The following PLEKHS1 variants were observed in gnomAD, a reference collection of about 807,000 sequenced individuals.
The protein encoded by PLEKHS1 is pleckstrin homology domain-containing family S member 1.
PLEKHS1 carries 55 observed loss-of-function variants against 51.0 expected under a neutral mutation model. That is an observed-to-expected ratio of 1.08 (90% CI 0.87 to 1.35). The LOEUF is 1.35. PLEKHS1 is among the 40% of genes most tolerant of loss of function. The pLI is 0.00. For synonymous variants in PLEKHS1, 153 were observed against 144.8 expected, an observed-to-expected ratio of 1.06 and a Z score of -0.41; for missense variants, 398 against 423.0, an observed-to-expected ratio of 0.94 and a Z score of 0.52.
chr10:113,774,736 G>A, intron 9 of PLEKHS1, 90 bp from the exon 10 acceptor site: 2 of 1,164,248 alleles, frequency 1.7e-6, no homozygotes, highest in Non-Finnish European at 2.5e-6. Context: ...GTCTTCACAT[G>A]GCTGTTAGCT....
At chr10:113,766,291 C>A (rs1844156070) in intron 2 of PLEKHS1, 120 bp from the exon 3 acceptor site, 1 of 642,460 alleles carries the variant, frequency 1.6e-6, no homozygotes. Flanking sequence ...TATAGGTGTC[C>A]TTTTCCATAA....
chr10:113,780,018 T>C (rs935480889), intron 11 of PLEKHS1, among the ~76,000 whole-genome samples: 6 of 152,146 alleles, frequency 3.9e-5, no homozygotes, highest in African/African-American at 1.4e-4. Flanking sequence ...AAGGGAGATA[T>C]GGAACCAAAG....
chr10:113,755,215 C>G (rs920910637), intron 1 of PLEKHS1, 44 bp from the exon 2 acceptor site: 51 of 1,561,202 alleles, frequency 3.3e-5, no homozygotes, highest in Non-Finnish European at 4.2e-5. Context: ...ATGAAACACA[C>G]GTAGTGTTGT....
Position 113,761,958 on chromosome 10 carries a change from T to G in PLEKHS1, c.29-4453T>G, listed in dbSNP as rs75611039. Among the ~76,000 whole-genome samples, 1,036 of 152,162 alleles carry G rather than the reference T, an allele frequency of 6.8e-3. 12 individuals carry two copies. Among genetic ancestry groups the G allele is most frequent in the African/African-American group, 0.024 (1,002 of 41,552 alleles). ...AACAGTACAGCCACTTGGGCCTATA[T>G]GAAGAATTTTTAACTACAACTCCAA... On this transcript the variant is annotated intron_variant, in intron 2 of 11. Coordinates refer to ENST00000361048, the Ensembl canonical transcript of PLEKHS1.
chr10:113,769,867 C>G, exon 7 of PLEKHS1: 1 of 1,613,976 alleles, frequency 6.2e-7, no homozygotes, highest in East Asian at 2.2e-5. Context: ...AGGCTGTTGG[C>G]TCCAGCTCAC....
intron 1 of PLEKHS1, among the ~76,000 whole-genome samples, chr10:113,753,601 A>G (rs1160536025): frequency 6.6e-6 from 1 of 152,114 alleles, no homozygotes; most frequent in Non-Finnish European, 1.5e-5. Context: ...AATTTGTTCA[A>G]ATGATCACTA....
At chr10:113,774,997 G>A (rs756031923) in exon 10 of PLEKHS1, 14 of 1,613,960 alleles carry the variant, frequency 8.7e-6, no homozygotes, top group East Asian at 2.2e-5. Context: ...AAAAGGGGTC[G>A]GCCTCACTAA....
At chr10:113,761,349 T>C (rs544970147) in intron 2 of PLEKHS1, among the ~76,000 whole-genome samples, 41 of 152,284 alleles carry the variant, frequency 2.7e-4, no homozygotes, top group African/African-American at 9.6e-4. Flanking sequence ...AGAGATTGCA[T>C]TGAATTTATA....
exon 12 of PLEKHS1, chr10:113,780,636 C>T (rs1844835015): frequency 6.2e-7 from 1 of 1,613,908 alleles, no homozygotes. Context: ...ATCCCAAATT[C>T]AGAGACATTC....
At position 113,755,243 on chromosome 10, in the gene PLEKHS1, CCCTT is replaced by C. The variant is rs779928788; in HGVS notation, c.-19-11_-19-8del. The C allele has an allele frequency of 1.8e-5, 29 of 1,602,750 alleles. No individual in the cohort carries two copies. In the African/African-American group the frequency reaches 2.3e-4, roughly 13 times the overall value. On this transcript the variant is annotated splice_polypyrimidine_tract_variant and intron_variant, in intron 1 of 11. Transcript: ENST00000361048. ...AGTGTTGTTTGGGGACTAACACTAA[CCCTT>C]CCTTTTGACAGGGGAGGACACACAG...
exon 3 of PLEKHS1, chr10:113,766,425 T>C: frequency 2.5e-6 from 4 of 1,580,666 alleles, no homozygotes; most frequent in Non-Finnish European, 3.5e-6. Context: ...ACAATTTACA[T>C]TTTCTTATGA....
At chr10:113,754,408 T>A (rs967059306) in intron 1 of PLEKHS1, among the ~76,000 whole-genome samples, 10 of 152,096 alleles carry the variant, frequency 6.6e-5, no homozygotes, top group Non-Finnish European at 1.3e-4. Flanking sequence ...GAGTCCCTTC[T>A]CTCCATCCTA....
intron 4 of PLEKHS1, among the ~76,000 whole-genome samples, chr10:113,767,043 T>C (rs1452080011): frequency 6.6e-6 from 1 of 152,212 alleles, no homozygotes; most frequent in African/African-American, 2.4e-5. Flanking sequence ...TTAAAAAATA[T>C]TTAGATCAGC....
chr10:113,773,069 T>C (rs1844485409), intron 8 of PLEKHS1, among the ~76,000 whole-genome samples: 2 of 152,182 alleles, frequency 1.3e-5, no homozygotes, highest in African/African-American at 4.8e-5. Context: ...TTCCGTAAGA[T>C]GGTGACGTAT....
At chr10:113,762,272 T>C (rs1168389088) in intron 2 of PLEKHS1, among the ~76,000 whole-genome samples, 1 of 151,820 alleles carries the variant, frequency 6.6e-6, no homozygotes, top group East Asian at 1.9e-4. Flanking sequence ...TTTGGTTTCA[T>C]TGGTTGTCTC....
rs770222224 is a variant in PLEKHS1, at chr10:113,775,878, AT to A, written c.1091+15del. On this transcript the variant is annotated intron_variant, in intron 11 of 11. Transcript: ENST00000361048. The stretch of plus-strand genomic sequence containing the variant: ...ACAGGACGGATATGGTAGGTTGGAG[AT>A]TTGACTGTTGTGGATTATAAATGGG... 9.5e-6 allele frequency: 15 copies of A among 1,574,046 alleles called. No individual in the cohort carries two copies. Among genetic ancestry groups the A allele is most frequent in the African/African-American group, 1.4e-5 (1 of 73,988 alleles).
chr10:113,780,808 C>G (rs577283183), exon 12 of PLEKHS1: 86 of 1,535,492 alleles, frequency 5.6e-5, no homozygotes, highest in Non-Finnish European at 1.2e-5. Flanking sequence ...GGCAGCAGAA[C>G]CAGGATGGAG....
chr10:113,783,259 G>T (rs1436421761), downstream of PLEKHS1: 1 of 151,700 alleles, frequency 6.6e-6, no homozygotes, highest in Non-Finnish European at 1.5e-5. Flanking sequence ...AATCATGTGG[G>T]TATTGCTTAA....
chr10:113,753,578 C>A (rs547313981), intron 1 of PLEKHS1, among the ~76,000 whole-genome samples: 111 of 152,086 alleles, frequency 7.3e-4, no homozygotes, highest in African/African-American at 2.5e-3. Flanking sequence ...TTCAGATGCC[C>A]GAGAAAAGTT....
Sources: gnomAD v4.1 joint callset for allele counts (sites outside exome capture counted in the v4.1 genomes callset) on GRCh38, gnomAD v4.1.1 for gene constraint, MANE v1.5 for transcripts, NCBI Gene and HGNC (gene_info 2026-07-23, HGNC 2026-07-21) for gene names.